Variants in ROBO2 observed in about 807,000 individuals in gnomAD.
ROBO2 encodes the protein roundabout homolog 2.
In ROBO2, 53 loss-of-function variants were observed where a neutral mutation model predicts 160.8. That is an observed-to-expected ratio of 0.33 (90% CI 0.26 to 0.41). ROBO2 has a LOEUF of 0.41. ROBO2 is among the 10% of genes least tolerant of loss of function. ROBO2 has a pLI of 1.00. For synonymous variants in ROBO2, 664 were observed against 611.7 expected, an observed-to-expected ratio of 1.09 and a Z score of -1.26; for missense variants, 1,577 against 1,722.4, an observed-to-expected ratio of 0.92 and a Z score of 1.49.
Position 76,231,752 on chromosome 3 carries a change from G to A in ROBO2, c.109+294150G>A, listed in dbSNP as rs141586765. On this transcript the variant is annotated intron_variant, in intron 2 of 26. Transcript: ENST00000487694. ...AGGATGAAGCAATCTTCTGTATAGAGGTTTAGTTTTTAATGAGAAGTTAAG... is the reference window on the plus strand; with the variant it reads ...AGGATGAAGCAATCTTCTGTATAGAAGTTTAGTTTTTAATGAGAAGTTAAG... 1.2e-3 allele frequency among the ~76,000 whole-genome samples: 190 copies of A among 152,232 alleles called. 1 individual carries two copies. Among genetic ancestry groups the A allele is most frequent in the African/African-American group, 4.4e-3 (181 of 41,554 alleles).
chr3:76,581,344 A>G (rs2085686372), intron 2 of ROBO2, among the ~76,000 whole-genome samples: 1 of 152,144 alleles, frequency 6.6e-6, no homozygotes, highest in Admixed American at 6.5e-5. Flanking sequence ...GAGAAAGAGC[A>G]CACATTTTGG....
chr3:76,892,674 C>A lies in ROBO2; in HGVS notation c.110-205340C>A, dbSNP rs563668985. On this transcript the variant is annotated intron_variant, in intron 2 of 26. Transcript: ENST00000487694. ...AAAATACAACTCTGGTTAAATTTTT[C>A]ATCTATTCTTCACCTGAATAGTTGG... 4.6e-5 allele frequency among the ~76,000 whole-genome samples: 7 copies of A among 152,282 alleles called. No homozygotes were observed. The South Asian group carries it at 8.3e-4, about 18-fold the overall frequency.
chr3:76,691,254 C>T (rs570872414), intron 2 of ROBO2, among the ~76,000 whole-genome samples: 1 of 152,064 alleles, frequency 6.6e-6, no homozygotes, highest in East Asian at 2.0e-4. Context: ...CTTTCCCTTC[C>T]ACCATGTTAC....
chr3:77,128,835 A>T (rs2075587894), intron 2 of ROBO2, among the ~76,000 whole-genome samples: 1 of 152,226 alleles, frequency 6.6e-6, no homozygotes, highest in Admixed American at 6.5e-5. Flanking sequence ...AAATTCATAC[A>T]GTAGAATTAC....
chr3:76,321,376 G>A (rs780943749), intron 2 of ROBO2, among the ~76,000 whole-genome samples: 10 of 152,008 alleles, frequency 6.6e-5, no homozygotes, highest in African/African-American at 1.2e-4. Context: ...TTAGCTGGGC[G>A]TGGTGGCGCG....
chr3:77,050,092 C>T (rs1356844291), intron 1 of ROBO2, among the ~76,000 whole-genome samples: 1 of 151,896 alleles, frequency 6.6e-6, no homozygotes, highest in African/African-American at 2.4e-5. Context: ...TAGATATATC[C>T]GATTATTATA....
chr3:76,225,248 T>C (rs1704211606), intron 2 of ROBO2, among the ~76,000 whole-genome samples: 1 of 152,174 alleles, frequency 6.6e-6, no homozygotes, highest in African/African-American at 2.4e-5. Flanking sequence ...TCAATGGGCT[T>C]TCAGAAGTTT....
intron 1 of ROBO2, among the ~76,000 whole-genome samples, chr3:75,929,960 G>C (rs1157806830): frequency 1.3e-5 from 2 of 152,160 alleles, no homozygotes; most frequent in African/African-American, 4.8e-5. Flanking sequence ...CTCCCAAAGT[G>C]CTGGGATTAC....
At chr3:76,895,618 A>G (rs2074707644) in intron 2 of ROBO2, among the ~76,000 whole-genome samples, 1 of 152,116 alleles carries the variant, frequency 6.6e-6, no homozygotes, top group Non-Finnish European at 1.5e-5. Context: ...CAGAAAAGGA[A>G]ATCTCACTTT....
chr3:76,465,495 A>C (rs2078312697), intron 2 of ROBO2, among the ~76,000 whole-genome samples: 1 of 152,030 alleles, frequency 6.6e-6, no homozygotes, highest in Non-Finnish European at 1.5e-5. Context: ...TTATTACTGA[A>C]GCACTGGATG....
At chr3:76,868,632 G>T (rs760295059) in intron 2 of ROBO2, among the ~76,000 whole-genome samples, 5 of 152,006 alleles carry the variant, frequency 3.3e-5, no homozygotes, top group Admixed American at 6.6e-5. Context: ...TCTCAATAAG[G>T]AATATTAGGA....
intron 2 of ROBO2, among the ~76,000 whole-genome samples, chr3:76,296,143 G>A (rs1305288500): frequency 6.6e-6 from 1 of 152,056 alleles, no homozygotes; most frequent in Non-Finnish European, 1.5e-5. Flanking sequence ...GACATATGGA[G>A]AATACGATGT....
chr3:76,056,105 A>T (rs2067835862), intron 2 of ROBO2, among the ~76,000 whole-genome samples: 1 of 152,232 alleles, frequency 6.6e-6, no homozygotes, highest in Admixed American at 6.5e-5. Context: ...AAATAATACA[A>T]ATGAAAAACA....
chr3:76,037,200 T>A (rs1367741965), intron 2 of ROBO2, among the ~76,000 whole-genome samples: 1 of 151,938 alleles, frequency 6.6e-6, no homozygotes, highest in Non-Finnish European at 1.5e-5. Context: ...ATGTTGCCCA[T>A]ACTGTATTCA....
exon 17 of ROBO2, chr3:77,588,931 C>T (rs779554773): frequency 4.3e-6 from 7 of 1,613,020 alleles, no homozygotes; most frequent in Non-Finnish European, 5.9e-6. Flanking sequence ...AGTAATTATG[C>T]TGGTAAGTGA....
At chr3:76,312,918 TC>T (rs1464364860) in intron 2 of ROBO2, among the ~76,000 whole-genome samples, 2 of 152,230 alleles carry the variant, frequency 1.3e-5, no homozygotes, top group African/African-American at 4.8e-5. Flanking sequence ...TGTATTCATT[TC>T]ACACAGCTTT....
chr3:77,050,643 G>A (rs1174016019), intron 1 of ROBO2, among the ~76,000 whole-genome samples: 1 of 146,740 alleles, frequency 6.8e-6, no homozygotes. Flanking sequence ...CATTTAATGT[G>A]GTGGTCTCAA....
In ROBO2 at chr3:77,114,756, A is replaced by T. The variant is rs550673856; in HGVS notation, c.388+16416A>T. Among the ~76,000 whole-genome samples, 15 of 152,254 alleles carry T rather than the reference A, an allele frequency of 9.9e-5. 1 individual carries two copies. The highest frequency in any genetic ancestry group is 1.9e-4 in the East Asian group (1 of 5,182). On this transcript the variant is annotated intron_variant, in intron 2 of 25. Transcript: ENST00000461745. ...TTTTCTTCCTTTAAAAGAGAAAATA[A>T]TTTTTTTAAAAAAGCAAAGAAGTAA...
At chr3:77,591,497 C>T (rs189908269) in intron 17 of ROBO2, among the ~76,000 whole-genome samples, 42 of 152,160 alleles carry the variant, frequency 2.8e-4, no homozygotes, top group East Asian at 1.5e-3. Flanking sequence ...TATAATCTTG[C>T]GAAATCTCTT....
Sources: allele counts gnomAD v4.1 joint callset (sites outside exome capture counted in the v4.1 genomes callset), GRCh38; gene constraint gnomAD v4.1.1; transcripts MANE v1.5; gene names NCBI Gene and HGNC (gene_info 2026-07-23, HGNC 2026-07-21).